LINGO2: variants seen among roughly 807,000 people sequenced by gnomAD.
The protein encoded by LINGO2 is leucine-rich repeat and immunoglobulin-like domain-containing nogo receptor-interacting protein 2.
LINGO2 carries 14 observed loss-of-function variants against 30.6 expected under a neutral mutation model. The observed-to-expected ratio is 0.46, with a 90% CI of 0.30 to 0.72. The LOEUF (loss-of-function observed/expected upper bound fraction) is 0.72, where lower values mean the gene tolerates loss of function less well. Among genes scored for constraint, LINGO2 ranks in the 30% least tolerant of loss-of-function variants. The pLI is 0.07. For missense variants in LINGO2, 729 were observed against 751.7 expected (o/e 0.97, Z 0.35); for synonymous variants, 317 against 288.5 (o/e 1.10, Z -1.00).
At chr9:29,130,869 A>G in the LINGO2 span, among the ~76,000 whole-genome samples, 297 of 152,102 alleles carry the variant, frequency 2.0e-3, 5 homozygotes, top group Non-Finnish European at 4.0e-4. Context: ...CTAAGGTTAG[A>G]TAGTTGGACA....
chr9:28,927,024 T>C, the LINGO2 span, among the ~76,000 whole-genome samples: 1 of 152,218 alleles, frequency 6.6e-6, no homozygotes, highest in Non-Finnish European at 1.5e-5. Context: ...ACAGCATATA[T>C]CCCAAATTAT....
chr9:28,417,543 A>C (rs909451975), intron 2 of LINGO2, among the ~76,000 whole-genome samples: 3 of 145,788 alleles, frequency 2.1e-5, no homozygotes, highest in African/African-American at 7.3e-5. Context: ...AATTTCCCTT[A>C]ATTATGTAAT....
At chr9:28,480,916 C>A (rs1386843577) in intron 1 of LINGO2, among the ~76,000 whole-genome samples, 1 of 152,128 alleles carries the variant, frequency 6.6e-6, no homozygotes, top group Admixed American at 6.6e-5. Context: ...CTTACTGCAA[C>A]AATTTCTCAA....
intron 3 of LINGO2, among the ~76,000 whole-genome samples, chr9:28,339,420 T>A (rs1050286467): frequency 6.6e-6 from 1 of 152,170 alleles, no homozygotes; most frequent in South Asian, 2.1e-4. Flanking sequence ...ACTTACCATA[T>A]AGATTGTTGT....
intron 1 of LINGO2, among the ~76,000 whole-genome samples, chr9:28,624,862 C>T (rs1286436727): frequency 6.6e-6 from 1 of 151,086 alleles, no homozygotes; most frequent in African/African-American, 2.4e-5. Context: ...TAAGACAAAG[C>T]ATTCTTTACT....
At chr9:28,617,772 A>G (rs1826205399) in intron 1 of LINGO2, among the ~76,000 whole-genome samples, 1 of 152,118 alleles carries the variant, frequency 6.6e-6, no homozygotes, top group South Asian at 2.1e-4. Context: ...AACTTTGATT[A>G]GAATGAAAAA....
chr9:28,918,099 CAT>C, the LINGO2 span, among the ~76,000 whole-genome samples: 18,251 of 152,004 alleles, frequency 0.12, 1,218 homozygotes, highest in East Asian at 0.22. Context: ...CTGATAAAGA[CAT>C]ATCCGAGACT....
chr9:28,641,315 C>T (rs949961134), intron 1 of LINGO2, among the ~76,000 whole-genome samples: 1 of 152,164 alleles, frequency 6.6e-6, no homozygotes, highest in Non-Finnish European at 1.5e-5. Context: ...GGATTACAGG[C>T]GTGAGCCACC....
chr9:28,488,915 G>A (rs114307364), intron 1 of LINGO2, among the ~76,000 whole-genome samples: 2,084 of 152,156 alleles, frequency 0.014, 50 homozygotes, highest in African/African-American at 0.047. Context: ...GTCTATAAAT[G>A]TTCGACCAAT....
At chr9:28,416,660 A>G (rs929351341) in intron 2 of LINGO2, among the ~76,000 whole-genome samples, 12 of 152,172 alleles carry the variant, frequency 7.9e-5, no homozygotes, top group Non-Finnish European at 1.5e-4. Context: ...CTATCAAGAA[A>G]AAAATATGAC....
chr9:27,970,404 C>G (rs576520005), intron 5 of LINGO2, among the ~76,000 whole-genome samples: 1 of 152,240 alleles, frequency 6.6e-6, no homozygotes, highest in East Asian at 1.9e-4. Flanking sequence ...AGAAACGTAT[C>G]TTTCTTTGTT....
chr9:28,772,280 C>T, the LINGO2 span, among the ~76,000 whole-genome samples: 7 of 152,100 alleles, frequency 4.6e-5, no homozygotes, highest in Non-Finnish European at 7.4e-5. Flanking sequence ...CCAGTCAGAC[C>T]GCGGTCTCAG....
intron 4 of LINGO2, among the ~76,000 whole-genome samples, chr9:28,019,304 C>T (rs1298294318): frequency 2.9e-5 from 3 of 104,684 alleles, no homozygotes; most frequent in Non-Finnish European, 3.8e-5. Context: ...AACTATGGCA[C>T]CTAGGGGAAT....
the LINGO2 span, among the ~76,000 whole-genome samples, chr9:29,041,380 T>C: frequency 6.6e-6 from 1 of 152,042 alleles, no homozygotes. Context: ...AGCTAAAATA[T>C]TTTGAAAAAG....
chr9:28,093,222 C>A (rs1292232489), intron 4 of LINGO2, among the ~76,000 whole-genome samples: 1 of 152,086 alleles, frequency 6.6e-6, no homozygotes, highest in Non-Finnish European at 1.5e-5. Context: ...GCAATTTATA[C>A]AGTGCGTTTT....
In LINGO2 at chr9:28,214,401, C is replaced by A. The variant is rs968652685; in HGVS notation, c.-87+80807G>T. Among the ~76,000 whole-genome samples the A allele has an allele frequency of 2.0e-5, 3 of 151,680 alleles. No individual in the cohort carries two copies. In the South Asian group the frequency reaches 6.2e-4, roughly 31 times the overall value. On this transcript the variant is annotated intron_variant, in intron 4 of 5. Transcript: ENST00000379992. Reference sequence around the variant, plus strand: ...AAAGTCTTGTCTACACTTGAAAATACACTAAAGGATTCTTCTGTCTACCCG... The same window carrying A: ...AAAGTCTTGTCTACACTTGAAAATAAACTAAAGGATTCTTCTGTCTACCCG...
chr9:28,124,491 G>A (rs1182571612), intron 4 of LINGO2, among the ~76,000 whole-genome samples: 1 of 152,146 alleles, frequency 6.6e-6, no homozygotes, highest in Non-Finnish European at 1.5e-5. Flanking sequence ...TATACCATCT[G>A]TACACTCCTA....
chr9:28,766,456 A>C, the LINGO2 span, among the ~76,000 whole-genome samples: 1 of 151,592 alleles, frequency 6.6e-6, no homozygotes, highest in East Asian at 1.9e-4. Context: ...AGAAAAAAAA[A>C]AACCCTTGTA....
intron 4 of LINGO2, among the ~76,000 whole-genome samples, chr9:28,088,071 G>C (rs1336838200): frequency 1.2e-4 from 18 of 151,990 alleles, no homozygotes; most frequent in Admixed American, 1.1e-3. Context: ...TCGTGGCTCT[G>C]CCATTAACTA....
Sources: gnomAD v4.1 joint callset for allele counts (sites outside exome capture counted in the v4.1 genomes callset) on GRCh38, gnomAD v4.1.1 for gene constraint, MANE v1.5 for transcripts, NCBI Gene and HGNC (gene_info 2026-07-23, HGNC 2026-07-21) for gene names.